The following GXYLT1 variants were observed in gnomAD, a reference collection of about 807,000 sequenced individuals.
GXYLT1 encodes the protein glucoside xylosyltransferase 1, also known as glycosyltransferase 8 domain containing 3.
Under a neutral mutation model 54.0 loss-of-function variants are expected in GXYLT1, and 29 were observed. The ratio of observed to expected loss-of-function variants is 0.54; its 90% confidence interval spans 0.40 to 0.73. The LOEUF (loss-of-function observed/expected upper bound fraction) is 0.73, where lower values mean the gene tolerates loss of function less well. Ranked by LOEUF, GXYLT1 falls within the 30% of genes least tolerant of loss-of-function variation. GXYLT1 has a pLI of 0.00. For missense variants in GXYLT1, 490 were observed against 553.4 expected (o/e 0.89, Z 1.15); for synonymous variants, 176 against 204.1 (o/e 0.86, Z 1.17).
intron 3 of GXYLT1, among the ~76,000 whole-genome samples, chr12:42,114,723 C>T (rs1201945465): frequency 6.6e-6 from 1 of 152,166 alleles, no homozygotes; most frequent in Non-Finnish European, 1.5e-5. Context: ...TGGTACCATT[C>T]CTTCTGAAAC....
At chr12:42,127,121 T>C (rs1375752616) in intron 2 of GXYLT1, among the ~76,000 whole-genome samples, 1 of 152,132 alleles carries the variant, frequency 6.6e-6, no homozygotes, top group Non-Finnish European at 1.5e-5. Context: ...GGCCCCCTGG[T>C]GCCAGGCAGA....
chr12:42,094,171 TG>T (rs1362413160), intron 7 of GXYLT1, among the ~76,000 whole-genome samples: 2 of 151,700 alleles, frequency 1.3e-5, no homozygotes, highest in Non-Finnish European at 2.9e-5. Flanking sequence ...CTGAGCAACA[TG>T]GCAAAACCTC....
At chr12:42,107,327 G>A (rs1022509004) in intron 4 of GXYLT1, among the ~76,000 whole-genome samples, 1 of 151,972 alleles carries the variant, frequency 6.6e-6, no homozygotes, top group African/African-American at 2.4e-5. Flanking sequence ...ATCAGGATGG[G>A]CAAAAAAATC....
At chr12:42,116,148 T>G (rs1164020032) in intron 3 of GXYLT1, among the ~76,000 whole-genome samples, 3 of 152,004 alleles carry the variant, frequency 2.0e-5, no homozygotes, top group African/African-American at 7.2e-5. Context: ...ATTAAAGACT[T>G]ACATGTTAGA....
Position 42,109,666 on chromosome 12 carries a change from G to C in GXYLT1, c.512C>G (p.Thr171Arg). The change falls in exon 4 of 8, where the codon ACA (threonine) becomes AGA (arginine). Residue 171 changes from threonine (T) to arginine (R), a missense_variant. This residue lies in a region of GXYLT1 where 342 missense variants were observed against 342.6 expected (regional missense o/e 1.00). Transcript: ENST00000398675. ...TATGGGGTATAACGTATAATTAAATGTTTGTAGAAATGACCAGTTGTCAAG... is the reference window on the plus strand; with the variant it reads ...TATGGGGTATAACGTATAATTAAATCTTTGTAGAAATGACCAGTTGTCAAG... ...GRLDNWSFLQ[T>R]FNYTLYPITF... is the part of the protein sequence containing the mutation. 2.0e-6 allele frequency: 3 copies of C among 1,537,360 alleles called. No homozygotes were observed. The highest frequency in any genetic ancestry group is 2.7e-6 in the Non-Finnish European group (3 of 1,130,678).
chr12:42,129,659 AATATC>A (rs2065583201), intron 2 of GXYLT1, 95 bp downstream of exon 2: 2 of 712,390 alleles, frequency 2.8e-6, no homozygotes, highest in Middle Eastern at 2.5e-4. Flanking sequence ...TTATTTGTAT[AATATC>A]ATAAGAAACA....
At chr12:42,090,032 T>C (rs567513912) in intron 7 of GXYLT1, among the ~76,000 whole-genome samples, 3 of 152,278 alleles carry the variant, frequency 2.0e-5, no homozygotes, top group South Asian at 2.1e-4. Context: ...CAGGAGTATG[T>C]AGTACTCGAG....
chr12:42,109,544 G>C, intron 4 of GXYLT1, 22 bp downstream of exon 4: 1 of 1,029,032 alleles, frequency 9.7e-7, no homozygotes. Context: ...AAAAAAAAAA[G>C]ACACTAGGGG....
intron 5 of GXYLT1, among the ~76,000 whole-genome samples, chr12:42,104,692 G>A (rs1219164298): frequency 6.6e-6 from 1 of 152,136 alleles, no homozygotes; most frequent in Non-Finnish European, 1.5e-5. Context: ...AAGGTAAGAG[G>A]AAACAGTTCC....
At chr12:42,131,126 C>T (rs1233593755) in intron 1 of GXYLT1, among the ~76,000 whole-genome samples, 1 of 151,930 alleles carries the variant, frequency 6.6e-6, no homozygotes. Flanking sequence ...GGAGCCAAAA[C>T]GGAAAAAAGA....
intron 3 of GXYLT1, among the ~76,000 whole-genome samples, chr12:42,111,859 C>A (rs1489118356): frequency 6.6e-6 from 1 of 152,190 alleles, no homozygotes; most frequent in African/African-American, 2.4e-5. Context: ...TCCCTGAACC[C>A]TGAGTAGCCT....
At chr12:42,127,577 G>C (rs1423544389) in intron 2 of GXYLT1, among the ~76,000 whole-genome samples, 1 of 152,164 alleles carries the variant, frequency 6.6e-6, no homozygotes, top group Admixed American at 6.5e-5. Flanking sequence ...AGAGAGTCCA[G>C]GATTCCGACT....
intron 1 of GXYLT1, among the ~76,000 whole-genome samples, chr12:42,138,840 C>A (rs974899287): frequency 3.9e-5 from 6 of 151,934 alleles, no homozygotes; most frequent in African/African-American, 1.5e-4. Context: ...GGCTGGCCAA[C>A]ACGGTGAAAC....
intron 7 of GXYLT1, among the ~76,000 whole-genome samples, chr12:42,095,140 T>C (rs944249625): frequency 1.8e-4 from 27 of 152,334 alleles, no homozygotes; most frequent in African/African-American, 6.0e-4. Flanking sequence ...TTTAAAAGCT[T>C]GATACTATAC....
At chr12:42,129,549 AC>A (rs1402937439) in intron 2 of GXYLT1, among the ~76,000 whole-genome samples, 2 of 152,202 alleles carry the variant, frequency 1.3e-5, no homozygotes, top group African/African-American at 4.8e-5. Flanking sequence ...TGTCTTAATA[AC>A]ATCTAAGAAA....
chr12:42,128,241 T>C (rs560544501), intron 2 of GXYLT1, among the ~76,000 whole-genome samples: 2 of 152,230 alleles, frequency 1.3e-5, no homozygotes, highest in East Asian at 1.9e-4. Context: ...GCGAAGAGAA[T>C]AGGTTTTAAA....
chr12:42,119,209 G>T (rs371041387), intron 2 of GXYLT1, 38 bp from the exon 3 acceptor site: 1 of 1,478,566 alleles, frequency 6.8e-7, no homozygotes, highest in Non-Finnish European at 9.2e-7. Context: ...AACAGTTTTA[G>T]TATATGTTTA....
chr12:42,141,625 A>G (rs926834170), intron 1 of GXYLT1, among the ~76,000 whole-genome samples: 2 of 152,184 alleles, frequency 1.3e-5, no homozygotes, highest in Non-Finnish European at 2.9e-5. Flanking sequence ...TGTATGTCAA[A>G]CTATCAAGTT....
chr12:42,141,570 GTGA>G (rs767523789), intron 1 of GXYLT1, among the ~76,000 whole-genome samples: 15 of 151,626 alleles, frequency 9.9e-5, no homozygotes, highest in Admixed American at 3.3e-4. Flanking sequence ...CCTATGTGAA[GTGA>G]TGATATTAAC....
Sources: gnomAD v4.1 joint callset for allele counts (sites outside exome capture counted in the v4.1 genomes callset) on GRCh38, gnomAD v4.1.1 for gene constraint, gnomAD v4.1.1 regional missense constraint, MANE v1.5 for transcripts, NCBI Gene and HGNC (gene_info 2026-07-23, HGNC 2026-07-21) for gene names.